Variants in ELOC observed in about 807,000 individuals in gnomAD.
The protein encoded by ELOC is elongin-C.
For missense variants in ELOC, 38 were observed against 139.0 expected, an observed-to-expected ratio of 0.27 and a Z score of 3.65; for synonymous variants, 40 against 51.3, an observed-to-expected ratio of 0.78 and a Z score of 0.94.
At chr8:73,953,247 G>A (rs995757703) in intron 3 of ELOC, among the ~76,000 whole-genome samples, 6 of 151,956 alleles carry the variant, frequency 3.9e-5, no homozygotes, top group African/African-American at 7.3e-5. Flanking sequence ...TGGAGGTTGC[G>A]GTGAGTGGAG....
intron 1 of ELOC, among the ~76,000 whole-genome samples, chr8:73,963,316 T>C (rs1814733739): frequency 6.6e-6 from 1 of 152,216 alleles, no homozygotes. Context: ...TCATATTCTA[T>C]ATTGCTACAT....
chr8:73,963,251 G>A (rs543922357), intron 1 of ELOC, among the ~76,000 whole-genome samples: 7 of 152,098 alleles, frequency 4.6e-5, no homozygotes, highest in Non-Finnish European at 1.0e-4. Context: ...TAGTATCAGT[G>A]AATATTTATA....
At chr8:73,964,086 T>G (rs1814795639) in intron 1 of ELOC, among the ~76,000 whole-genome samples, 1 of 77,008 alleles carries the variant, frequency 1.3e-5, no homozygotes, top group African/African-American at 5.4e-5. Context: ...AGAGTGAAAT[T>G]CCGTCTCAAA....
chr8:73,959,942 A>C, intron 1 of ELOC, 124 bp from the exon 2 acceptor site: 1 of 434,908 alleles, frequency 2.3e-6, no homozygotes, highest in Non-Finnish European at 4.1e-6. Flanking sequence ...TTACGAGCTC[A>C]CCATTCCTAC....
chr8:73,945,517 C>T lies in ELOC; in HGVS notation c.*1113G>A, dbSNP rs1248344098. On this transcript the variant is annotated 3_prime_UTR_variant, in exon 4 of 4. Coordinates refer to ENST00000520242, the MANE Select transcript of ELOC (RefSeq NM_005648.4). ...GAGATAAAGACAATACTAAACCCAT[C>T]TCCAGTGCTTCTTTCCCCATGCATA... The T allele has an allele frequency of 6.6e-6, 1 of 152,176 alleles. No homozygotes were observed. Among genetic ancestry groups the T allele is most frequent in the Non-Finnish European group, 1.5e-5 (1 of 68,048 alleles). 9.4% of individuals were successfully genotyped at this position (152,176 alleles called of 1,614,324 possible).
intron 3 of ELOC, among the ~76,000 whole-genome samples, chr8:73,954,334 G>A (rs1387309344): frequency 1.3e-5 from 2 of 152,188 alleles, no homozygotes; most frequent in Non-Finnish European, 2.9e-5. Flanking sequence ...TTTACATTAT[G>A]TGAATTTTAC....
intron 3 of ELOC, among the ~76,000 whole-genome samples, chr8:73,951,647 C>CAACAACAACAACA (rs1813766225): frequency 4.7e-5 from 7 of 149,804 alleles, no homozygotes; most frequent in Admixed American, 1.3e-4. Context: ...CAAAAAACCC[C>CAACAACAACAACA]ACAACAACAA....
At chr8:73,957,709 TAA>T (rs1351957868) in intron 2 of ELOC, among the ~76,000 whole-genome samples, 1 of 152,222 alleles carries the variant, frequency 6.6e-6, no homozygotes, top group Admixed American at 6.5e-5. Flanking sequence ...TAAAGGAGAC[TAA>T]AGAGACAAGT....
chr8:73,954,060 C>T (rs1586599208), intron 3 of ELOC, among the ~76,000 whole-genome samples: 1 of 152,044 alleles, frequency 6.6e-6, no homozygotes, highest in Non-Finnish European at 1.5e-5. Flanking sequence ...ACCTTGAAAA[C>T]ATGAAAAATA....
At chr8:73,948,521 T>G (rs4738401) in intron 3 of ELOC, among the ~76,000 whole-genome samples, 47,288 of 152,064 alleles carry the variant, frequency 0.31, 7,575 homozygotes, top group Admixed American at 0.39. Context: ...AGTGAGCTGA[T>G]ATCATACCAC....
intron 3 of ELOC, among the ~76,000 whole-genome samples, chr8:73,951,258 C>T (rs577534922): frequency 2.6e-5 from 4 of 151,910 alleles, no homozygotes; most frequent in Admixed American, 1.3e-4. Context: ...TGAGATAGAG[C>T]GAAAGACTGG....
At chr8:73,963,634 T>C (rs1453085414) in intron 1 of ELOC, among the ~76,000 whole-genome samples, 2 of 152,232 alleles carry the variant, frequency 1.3e-5, no homozygotes, top group Admixed American at 6.5e-5. Flanking sequence ...TCATATCTTT[T>C]TGTCTTTTTA....
At chr8:73,953,700 T>C (rs1282512439) in intron 3 of ELOC, among the ~76,000 whole-genome samples, 1 of 151,454 alleles carries the variant, frequency 6.6e-6, no homozygotes, top group Non-Finnish European at 1.5e-5. Context: ...ATAACAAATA[T>C]TGGCCAAGAT....
chr8:73,968,176 C>T (rs902200156), intron 1 of ELOC, among the ~76,000 whole-genome samples: 6 of 152,164 alleles, frequency 3.9e-5, no homozygotes, highest in Admixed American at 2.6e-4. Flanking sequence ...TCTTGAGACT[C>T]GGATAAATTA....
At chr8:73,954,347 C>G (rs563245910) in intron 3 of ELOC, among the ~76,000 whole-genome samples, 33 of 152,280 alleles carry the variant, frequency 2.2e-4, no homozygotes, top group Middle Eastern at 3.4e-3. Flanking sequence ...AATTTTACTT[C>G]AAGAAAAAAA....
intron 3 of ELOC, among the ~76,000 whole-genome samples, chr8:73,952,398 C>A (rs988501991): frequency 1.4e-5 from 2 of 146,004 alleles, no homozygotes; most frequent in Non-Finnish European, 3.0e-5. Context: ...CACAGCAAGA[C>A]GCTGTCTCAA....
rs2131050764 is a variant in ELOC, at chr8:73,946,428, G to C, written c.*202C>G. On this transcript the variant is annotated 3_prime_UTR_variant, in exon 4 of 4. Coordinates refer to ENST00000520242, the MANE Select transcript of ELOC (RefSeq NM_005648.4). ...GGCATATTTGTTTATTTCTCAGTTT[G>C]TGAAAATGTCCTTAATTTGTTGATG... The C allele has an allele frequency of 4.4e-6, 2 of 458,908 alleles. No individual in the cohort carries two copies. The highest frequency in any genetic ancestry group is 6.4e-5 in the East Asian group (2 of 31,120). The allele number at this position is 458,908 out of a possible 1,614,324, so 28.4% of individuals were successfully genotyped here.
intron 1 of ELOC, among the ~76,000 whole-genome samples, chr8:73,962,025 A>G (rs527542526): frequency 3.0e-4 from 46 of 152,004 alleles, no homozygotes; most frequent in African/African-American, 1.1e-3. Context: ...CCTCCCGAGT[A>G]GCTGGGACTA....
Position 73,946,587 on chromosome 8 carries a change from T to C in ELOC, c.*43A>G, listed in dbSNP as rs1352549386. Reference sequence around the variant, plus strand: ...AAGTTACTAACTGAACTACAGGTATTAAATACTGAAAAGAGTTAACAGTTT... The same window carrying C: ...AAGTTACTAACTGAACTACAGGTATCAAATACTGAAAAGAGTTAACAGTTT... On this transcript the variant is annotated 3_prime_UTR_variant, in exon 4 of 4. Transcript: ENST00000520242. 6.9e-7 allele frequency: 1 copy of C among 1,454,626 alleles called. No homozygotes were observed. Among genetic ancestry groups the C allele is most frequent in the Admixed American group, 2.3e-5 (1 of 42,654 alleles). The allele number at this position is 1,454,626 out of a possible 1,614,324, so 90.1% of individuals were successfully genotyped here. A position where few individuals can be genotyped will look rare whatever the true frequency, so the allele number is the denominator to read the frequency against.
Sources: allele counts gnomAD v4.1 joint callset (sites outside exome capture counted in the v4.1 genomes callset), GRCh38; gene constraint gnomAD v4.1.1; transcripts MANE v1.5; gene names NCBI Gene and HGNC (gene_info 2026-07-23, HGNC 2026-07-21).